PLVAP: variants seen among roughly 807,000 people sequenced by gnomAD.
PLVAP encodes plasmalemma vesicle associated protein, also known as plasmalemma vesicle-associated protein.
Under a neutral mutation model 43.1 loss-of-function variants are expected in PLVAP, and 34 were observed. The observed-to-expected ratio is 0.79, with a 90% confidence interval of 0.60 to 1.05. The LOEUF is 1.05. Among genes scored for constraint, PLVAP ranks in the 50% least tolerant of loss-of-function variants. PLVAP has a pLI of 0.00. For synonymous variants in PLVAP, 241 were observed against 237.3 expected (o/e 1.02, Z -0.14); for missense variants, 574 against 593.4 (o/e 0.97, Z 0.34).
rs771478951 is a variant in PLVAP at position 17,365,402 on chromosome 19, G to A, written c.1063C>T (p.Arg355Trp). 3.3e-5 allele frequency: 54 copies of A among 1,613,074 alleles called. No individual in the cohort carries two copies. Among genetic ancestry groups the A allele is most frequent in the Middle Eastern group, 1.6e-4 (1 of 6,084 alleles). Reference sequence around the variant, plus strand: ...TTGGCCAGGTTGTCTCGTTCCTTCCGCAGCACCGCCTTCTCCTCCAGCGCT... The same window carrying A: ...TTGGCCAGGTTGTCTCGTTCCTTCCACAGCACCGCCTTCTCCTCCAGCGCT... ...QLALEEKAVL[R>W]KERDNLAKEL... is the part of the protein sequence containing the mutation. Residue 355 changes from arginine (R) to tryptophan (W), a missense_variant, in exon 3 of 6, where the codon CGG becomes TGG. Physicochemically the swap from Arg to Trp is moderately radical, Grantham distance 101. Coordinates refer to ENST00000252590, the MANE Select transcript of PLVAP (RefSeq NM_031310.3).
intron 5 of PLVAP, among the ~76,000 whole-genome samples, chr19:17,360,120 G>C (rs991939022): frequency 2.6e-5 from 4 of 152,178 alleles, no homozygotes; most frequent in Non-Finnish European, 5.9e-5. Flanking sequence ...TGCTCCCTGG[G>C]GTACAGGGCA....
At chr19:17,376,278 C>T (rs1257921010) in intron 1 of PLVAP, among the ~76,000 whole-genome samples, 1 of 152,080 alleles carries the variant, frequency 6.6e-6, no homozygotes, top group Non-Finnish European at 1.5e-5. Context: ...TTGCTTGAGC[C>T]CAGGAGTTCG....
At chr19:17,358,992 G>C (rs1269578843) in intron 5 of PLVAP, among the ~76,000 whole-genome samples, 3 of 151,954 alleles carry the variant, frequency 2.0e-5, no homozygotes, top group Non-Finnish European at 4.4e-5. Context: ...TACAGAGGGG[G>C]TTTTGCTATG....
intron 1 of PLVAP, among the ~76,000 whole-genome samples, chr19:17,366,425 C>T (rs576394118): frequency 4.5e-4 from 69 of 152,170 alleles, no homozygotes; most frequent in African/African-American, 1.6e-3. Flanking sequence ...TGAGACCAGC[C>T]TGGGCAACAT....
rs1424351109 is a variant in PLVAP at position 17,360,752 on chromosome 19, C to T, written c.1240+20G>A. 6.2e-7 allele frequency: 1 copy of T among 1,610,850 alleles called. No individual in the cohort carries two copies. The highest frequency in any genetic ancestry group is 8.5e-7 in the Non-Finnish European group (1 of 1,177,198). ...GGAAAGGGGCCCCTCCCCTACTTGG[C>T]TCTGTCTTTTGTCACTCACCGATGG... On this transcript the variant is annotated intron_variant, in intron 4 of 5. Transcript: ENST00000252590.
chr19:17,372,314 T>A (rs1180132735), intron 1 of PLVAP, among the ~76,000 whole-genome samples: 2 of 148,938 alleles, frequency 1.3e-5, no homozygotes. Context: ...GAGGCTGAGG[T>A]AGGAGAATCA....
chr19:17,358,610 C>T (rs75451277), intron 5 of PLVAP, among the ~76,000 whole-genome samples: 5,065 of 152,202 alleles, frequency 0.033, 247 homozygotes, highest in African/African-American at 0.11. Flanking sequence ...ATCCCTGTGA[C>T]GCACAGGCCA....
At chr19:17,373,709 G>A (rs2074583604) in intron 1 of PLVAP, among the ~76,000 whole-genome samples, 1 of 152,130 alleles carries the variant, frequency 6.6e-6, no homozygotes, top group Non-Finnish European at 1.5e-5. Context: ...TAATTGTCTA[G>A]TGAGTTTGAC....
At chr19:17,374,606 C>T (rs924164637) in intron 1 of PLVAP, among the ~76,000 whole-genome samples, 4 of 151,950 alleles carry the variant, frequency 2.6e-5, no homozygotes, top group African/African-American at 9.7e-5. Context: ...ACACTGTGAA[C>T]TTTTATTCAG....
chr19:17,360,812 C>T lies in PLVAP; in HGVS notation c.1200G>A (p.Val400=), dbSNP rs978947526. 4 of 1,613,824 alleles carry T rather than the reference C, an allele frequency of 2.5e-6. No homozygotes were observed. In the African/African-American group the frequency reaches 4.0e-5, roughly 16 times the overall value. The change falls in exon 4 of 6, where the codon GTG becomes GTA. Residue 400 remains valine (V), a synonymous_variant. Coordinates refer to ENST00000252590, the MANE Select transcript of PLVAP (RefSeq NM_031310.3). ...IKTKSQPMMP[V]SRPMGPVPNP... is the part of the protein sequence containing the mutation. ...TGGGGACAGGGCCCATGGGCCTTGA[C>T]ACTGGCATCATCGGCTGCGACTGTG...
rs2145715046 is a variant in PLVAP, at chr19:17,351,591, C to T, written c.*771G>A. 1 of 152,384 alleles carries T rather than the reference C, an allele frequency of 6.6e-6. No homozygotes were observed. Among genetic ancestry groups the T allele is most frequent in the African/African-American group, 2.4e-5 (1 of 41,578 alleles). 9.4% of individuals were successfully genotyped at this position (152,384 alleles called of 1,614,324 possible). The stretch of plus-strand genomic sequence containing the variant: ...CCCCGGCTCAGGGCCCCGAGGGGGT[C>T]CTGGAAACACTCACGCTCAAGGAGC... On this transcript the variant is annotated 3_prime_UTR_variant, in exon 6 of 6. Coordinates refer to ENST00000252590, the MANE Select transcript of PLVAP (RefSeq NM_031310.3).
rs560871995 is a variant in PLVAP at position 17,359,551 on chromosome 19, G to A, written c.1322+977C>T. Reference sequence around the variant, plus strand: ...CTCCCAAGCAGCTGGGACTACAGGCGCATACCACCACGCCCAGCTACTTTT... The same window carrying A: ...CTCCCAAGCAGCTGGGACTACAGGCACATACCACCACGCCCAGCTACTTTT... On this transcript the variant is annotated intron_variant, in intron 5 of 5. Coordinates refer to ENST00000252590, the MANE Select transcript of PLVAP (RefSeq NM_031310.3). Among the ~76,000 whole-genome samples, 81 of 149,672 alleles carry A rather than the reference G, an allele frequency of 5.4e-4. 1 individual carries two copies. Among genetic ancestry groups the A allele is most frequent in the African/African-American group, 1.9e-3 (78 of 40,546 alleles).
chr19:17,372,861 G>A (rs2074578668), intron 1 of PLVAP, among the ~76,000 whole-genome samples: 1 of 149,886 alleles, frequency 6.7e-6, no homozygotes, highest in South Asian at 2.2e-4. Flanking sequence ...AGGAAATTGA[G>A]GCCATCCTGG....
At chr19:17,362,282 G>GC (rs761523353) in intron 3 of PLVAP, 58 of 151,642 alleles carry the variant, frequency 3.8e-4, no homozygotes, top group African/African-American at 1.3e-3. Flanking sequence ...GCCCTATGGA[G>GC]CCCCTGATGT....
chr19:17,358,417 T>C (rs569805019), intron 5 of PLVAP, among the ~76,000 whole-genome samples: 6 of 152,266 alleles, frequency 3.9e-5, no homozygotes, highest in African/African-American at 1.4e-4. Context: ...AATAGCTCCG[T>C]GGCAAAATGG....
chr19:17,366,280 T>C (rs1470454187), intron 1 of PLVAP, 85 bp from the exon 2 acceptor site: 1 of 1,319,768 alleles, frequency 7.6e-7, no homozygotes, highest in East Asian at 2.3e-5. Flanking sequence ...AGCACCCTGG[T>C]GGCCAGAGTG....
intron 3 of PLVAP, among the ~76,000 whole-genome samples, chr19:17,364,252 AT>A (rs1568374975): frequency 6.6e-6 from 1 of 151,890 alleles, no homozygotes; most frequent in Non-Finnish European, 1.5e-5. Flanking sequence ...CGCCCAGCTA[AT>A]TTTTTGTGTT....
intron 5 of PLVAP, among the ~76,000 whole-genome samples, chr19:17,359,676 G>A (rs1292847018): frequency 2.1e-5 from 3 of 144,432 alleles, no homozygotes; most frequent in African/African-American, 5.2e-5. Context: ...ACAGGCGTAA[G>A]CCACCGTACC....
chr19:17,357,035 T>C (rs544524297), intron 5 of PLVAP, among the ~76,000 whole-genome samples: 2 of 151,852 alleles, frequency 1.3e-5, no homozygotes, highest in Non-Finnish European at 2.9e-5. Flanking sequence ...ATCCCAGCAC[T>C]TTGGGAGGCC....
Sources: gnomAD v4.1 joint callset for allele counts (sites outside exome capture counted in the v4.1 genomes callset) on GRCh38, gnomAD v4.1.1 for gene constraint, MANE v1.5 for transcripts, NCBI Gene and HGNC (gene_info 2026-07-23, HGNC 2026-07-21) for gene names.